The following SLC35F1 variants were observed in gnomAD, a reference collection of about 807,000 sequenced individuals.
SLC35F1 encodes chromosome 6 open reading frame 169.
In SLC35F1, 14 loss-of-function variants were observed where a neutral mutation model predicts 48.7. The observed-to-expected ratio is 0.29, with a 90% CI of 0.19 to 0.45. The LOEUF (loss-of-function observed/expected upper bound fraction) is 0.45. Among genes scored for constraint, SLC35F1 ranks in the 20% least tolerant of loss-of-function variants. The pLI, the probability that SLC35F1 is intolerant of heterozygous loss-of-function variation, is 1.00. For synonymous variants in SLC35F1, 190 were observed against 202.2 expected, an observed-to-expected ratio of 0.94 and a Z score of 0.51; for missense variants, 404 against 500.0, an observed-to-expected ratio of 0.81 and a Z score of 1.83.
At chr6:117,955,741 C>T (rs1161696669) in intron 1 of SLC35F1, among the ~76,000 whole-genome samples, 3 of 152,192 alleles carry the variant, frequency 2.0e-5, no homozygotes, top group Non-Finnish European at 4.4e-5. Context: ...TTGCTTCAGT[C>T]TGGTGTTAGC....
intron 1 of SLC35F1, among the ~76,000 whole-genome samples, chr6:117,948,935 A>G (rs1776327694): frequency 6.6e-6 from 1 of 152,156 alleles, no homozygotes; most frequent in Non-Finnish European, 1.5e-5. Flanking sequence ...AGGGGAACTT[A>G]GTACAAAAGA....
chr6:118,108,567 A>G (rs1489127385), intron 1 of SLC35F1, among the ~76,000 whole-genome samples: 1 of 152,194 alleles, frequency 6.6e-6, no homozygotes, highest in Non-Finnish European at 1.5e-5. Flanking sequence ...TTAAATATGC[A>G]TGTATAGAAA....
chr6:118,156,237 A>C (rs955653149), intron 2 of SLC35F1, among the ~76,000 whole-genome samples: 1 of 152,126 alleles, frequency 6.6e-6, no homozygotes, highest in South Asian at 2.1e-4. Flanking sequence ...AGTGTCAAAA[A>C]AAAAAAGCAT....
intron 2 of SLC35F1, among the ~76,000 whole-genome samples, chr6:118,212,778 GGAAGGAAGGAAGGAAA>G (rs1296465496): frequency 1.5e-4 from 22 of 146,844 alleles, no homozygotes; most frequent in African/African-American, 5.7e-4. Context: ...AAGGAAGGAA[GGAAGGAAGGAAGGAAA>G]GAAGGAAGGG....
chr6:118,014,378 G>A (rs970931414), intron 1 of SLC35F1, among the ~76,000 whole-genome samples: 2 of 152,158 alleles, frequency 1.3e-5, no homozygotes, highest in Admixed American at 1.3e-4. Flanking sequence ...GATGGCCTGT[G>A]AGAAATGGTG....
chr6:118,175,714 A>G (rs931185250), intron 2 of SLC35F1, among the ~76,000 whole-genome samples: 1 of 152,078 alleles, frequency 6.6e-6, no homozygotes, highest in Admixed American at 6.6e-5. Flanking sequence ...GGCAATTTTA[A>G]AAGTTAACAT....
chr6:118,029,467 C>T (rs1772008302), intron 1 of SLC35F1, among the ~76,000 whole-genome samples: 1 of 152,140 alleles, frequency 6.6e-6, no homozygotes, highest in Non-Finnish European at 1.5e-5. Context: ...TTGTTAATCT[C>T]TTACTGTGCC....
At position 118,112,450 on chromosome 6, in the gene SLC35F1, T is replaced by G. The variant is rs117236237; in HGVS notation, c.174-41995T>G. Among the ~76,000 whole-genome samples the G allele has an allele frequency of 6.1e-3, 926 of 152,322 alleles. 3 individuals carry two copies. The highest frequency in any genetic ancestry group is 0.014 in the Middle Eastern group (4 of 294). On this transcript the variant is annotated intron_variant, in intron 1 of 7. Transcript: ENST00000360388. ...GGTGGATATATTCCTCCTCTTACTCTCGGGAATGCCCTACTCTGTCTATGA... is the reference window on the plus strand; with the variant it reads ...GGTGGATATATTCCTCCTCTTACTCGCGGGAATGCCCTACTCTGTCTATGA...
intron 2 of SLC35F1, among the ~76,000 whole-genome samples, chr6:118,227,035 G>A (rs1335162262): frequency 6.6e-6 from 1 of 152,170 alleles, no homozygotes; most frequent in African/African-American, 2.4e-5. Flanking sequence ...CACACCATGG[G>A]TGGAATAACC....
chr6:117,940,403 C>T (rs1253783217), intron 1 of SLC35F1, among the ~76,000 whole-genome samples: 1 of 152,088 alleles, frequency 6.6e-6, no homozygotes, highest in Non-Finnish European at 1.5e-5. Flanking sequence ...CTTATTTATT[C>T]ATTTATTTAT....
At chr6:118,146,310 G>A in intron 1 of SLC35F1, among the ~76,000 whole-genome samples, 1 of 152,122 alleles carries the variant, frequency 6.6e-6, no homozygotes, top group East Asian at 1.9e-4. Context: ...AAATGTCAAA[G>A]AATGATTTCT....
At chr6:118,080,627 G>A (rs1010349484) in intron 1 of SLC35F1, among the ~76,000 whole-genome samples, 1 of 152,168 alleles carries the variant, frequency 6.6e-6, no homozygotes, top group African/African-American at 2.4e-5. Context: ...GCTATTAGAG[G>A]CTAAGCCAGG....
At chr6:118,258,830 G>C (rs1243973380) in intron 3 of SLC35F1, among the ~76,000 whole-genome samples, 1 of 151,870 alleles carries the variant, frequency 6.6e-6, no homozygotes. Context: ...ACTGTAATAA[G>C]AAACTGAATT....
chr6:118,240,151 C>T (rs1357270067), intron 3 of SLC35F1, among the ~76,000 whole-genome samples: 1 of 152,222 alleles, frequency 6.6e-6, no homozygotes, highest in Non-Finnish European at 1.5e-5. Flanking sequence ...AATGAATCAG[C>T]CTTGCCCTAT....
At chr6:118,111,440 G>GT (rs2114383189) in intron 1 of SLC35F1, among the ~76,000 whole-genome samples, 1 of 152,150 alleles carries the variant, frequency 6.6e-6, no homozygotes, top group Non-Finnish European at 1.5e-5. Context: ...ATAGAGGGAA[G>GT]TATTTAAAAG....
intron 7 of SLC35F1, among the ~76,000 whole-genome samples, chr6:118,294,638 C>T (rs932739230): frequency 1.3e-5 from 2 of 151,966 alleles, no homozygotes; most frequent in Non-Finnish European, 2.9e-5. Flanking sequence ...CAAAAATGAA[C>T]ATCATAAGTA....
chr6:118,125,921 T>A (rs997605067), intron 1 of SLC35F1, among the ~76,000 whole-genome samples: 1 of 152,222 alleles, frequency 6.6e-6, no homozygotes, highest in Non-Finnish European at 1.5e-5. Flanking sequence ...CCGTGGATAA[T>A]CGCTGTTCTT....
At chr6:118,134,617 T>G (rs1773766262) in intron 1 of SLC35F1, among the ~76,000 whole-genome samples, 1 of 152,174 alleles carries the variant, frequency 6.6e-6, no homozygotes, top group African/African-American at 2.4e-5. Context: ...AAGGTGACTG[T>G]ATGTGGTCAG....
In SLC35F1 at chr6:118,316,361, A is replaced by T. The variant is rs1776437955; in HGVS notation, c.*2109A>T. On this transcript the variant is annotated 3_prime_UTR_variant, in exon 8 of 8. Transcript: ENST00000360388. ...CTATCAAATCAAAACAACTTTGCCA[A>T]CATCTTCTCTCTGCTACCTTTTAAA... The T allele has an allele frequency of 6.6e-6, 1 of 152,644 alleles. No homozygotes were observed. The highest frequency in any genetic ancestry group is 2.4e-5 in the African/African-American group (1 of 41,442). The allele number at this position is 152,644 out of a possible 1,614,324, so 9.5% of individuals were successfully genotyped here. A position where few individuals can be genotyped will look rare whatever the true frequency, so the allele number is the denominator to read the frequency against.
Sources: gnomAD v4.1 joint callset for allele counts (sites outside exome capture counted in the v4.1 genomes callset) on GRCh38, gnomAD v4.1.1 for gene constraint, MANE v1.5 for transcripts, NCBI Gene and HGNC (gene_info 2026-07-23, HGNC 2026-07-21) for gene names.